Variants in CELA3B observed in about 807,000 individuals in gnomAD.
CELA3B encodes the protein chymotrypsin like elastase 3B.
A neutral mutation model predicts 37.2 loss-of-function variants in CELA3B; 34 were observed. The ratio of observed to expected loss-of-function variants is 0.91; its 90% CI spans 0.70 to 1.22. The LOEUF (loss-of-function observed/expected upper bound fraction) is 1.22, where lower values mean the gene tolerates loss of function less well. Among genes scored for constraint, CELA3B ranks in the 50% most tolerant of loss-of-function variants. CELA3B has a pLI of 0.00. For missense variants in CELA3B, 340 were observed against 363.1 expected, an observed-to-expected ratio of 0.94 and a Z score of 0.52; for synonymous variants, 127 against 143.5, an observed-to-expected ratio of 0.89 and a Z score of 0.82.
chr1:21,977,104 G>A (rs769741596), intron 1 of CELA3B, 22 bp downstream of exon 1: 1 of 1,614,126 alleles, frequency 6.2e-7, no homozygotes, highest in Admixed American at 1.7e-5. Flanking sequence ...ACCTGTGTGT[G>A]TGCTCCCTGG....
chr1:21,981,035 C>A lies in CELA3B; in HGVS notation c.228-3C>A, dbSNP rs1035761656. On this transcript the variant is annotated splice_region_variant and splice_polypyrimidine_tract_variant and intron_variant, in intron 3 of 7. Coordinates refer to ENST00000337107, the MANE Select transcript of CELA3B (RefSeq NM_007352.4). ...CCCAGACTGACCTCACCTCCGCCCG[C>A]AGGAGCTCCCGGACCTACCAGGTGG... The A allele has an allele frequency of 2.5e-6, 4 of 1,613,986 alleles. No homozygotes were observed. The African/African-American group carries it at 5.3e-5, about 22-fold the overall frequency.
At chr1:21,992,818 A>G (rs1053311578), downstream of CELA3B, among the ~76,000 whole-genome samples, 2 of 150,786 alleles carry the variant, frequency 1.3e-5, no homozygotes, top group Admixed American at 6.6e-5. Flanking sequence ...ACCCCATCTT[A>G]GCTGGGTGGT....
chr1:21,995,240 G>A (rs1394420912), intron 4 of CELA3B, among the ~76,000 whole-genome samples: 2 of 147,896 alleles, frequency 1.4e-5, no homozygotes, highest in African/African-American at 5.1e-5. Flanking sequence ...TGAAGTTCAA[G>A]CAATTCTGCA....
At chr1:21,998,172 C>T (rs1436414839) in exon 5 of CELA3B, 1 of 470,314 alleles carries the variant, frequency 2.1e-6, no homozygotes, top group Non-Finnish European at 4.4e-6. Flanking sequence ...CAACAAGGCA[C>T]CAGAGTCCCG....
At chr1:21,997,507 G>A (rs575611154) in intron 4 of CELA3B, among the ~76,000 whole-genome samples, 16 of 150,894 alleles carry the variant, frequency 1.1e-4, no homozygotes, top group Admixed American at 9.2e-4. Context: ...GGCCAATGTG[G>A]TGAAACCCTG....
chr1:21,979,038 ACT>A (rs1173577162), intron 2 of CELA3B, among the ~76,000 whole-genome samples: 2 of 86,346 alleles, frequency 2.3e-5, no homozygotes, highest in East Asian at 2.8e-4. Flanking sequence ...ACAGAGTGAG[ACT>A]CTGTCTCAAA....
downstream of CELA3B, among the ~76,000 whole-genome samples, chr1:21,991,963 A>G (rs1356124561): frequency 2.1e-5 from 3 of 145,774 alleles, no homozygotes; most frequent in Non-Finnish European, 3.0e-5. Flanking sequence ...CTACTAAAAA[A>G]TACAAAATTA....
chr1:21,985,770 A>G (rs1330838915), intron 6 of CELA3B, among the ~76,000 whole-genome samples: 1 of 152,062 alleles, frequency 6.6e-6, no homozygotes, highest in African/African-American at 2.4e-5. Flanking sequence ...GGGCGCCTGT[A>G]GTCCCAGCTA....
intron 2 of CELA3B, among the ~76,000 whole-genome samples, chr1:21,979,022 T>C (rs111695644): frequency 2.0e-5 from 3 of 146,514 alleles, no homozygotes; most frequent in South Asian, 4.6e-4. Context: ...ACTCCAGCCC[T>C]GGGCAACAGA....
At chr1:21,992,832 A>G (rs1644874335), downstream of CELA3B, among the ~76,000 whole-genome samples, 2 of 150,634 alleles carry the variant, frequency 1.3e-5, no homozygotes, top group Non-Finnish European at 3.0e-5. Flanking sequence ...GGGTGGTGTG[A>G]CACATGCCTG....
chr1:21,986,577 G>C lies in CELA3B; in HGVS notation c.689G>C (p.Trp230Ser). 6.2e-7 allele frequency: 1 copy of C among 1,614,080 alleles called. No individual in the cohort carries two copies. Among genetic ancestry groups the C allele is most frequent in the South Asian group, 1.1e-5 (1 of 91,072 alleles). Residue 230 changes from tryptophan (W) to serine (S), a missense_variant, in exon 7 of 8, where the codon TGG becomes TCG. Trp to Ser is a radical substitution (Grantham distance 177, BLOSUM62 -3). Coordinates refer to ENST00000337107, the MANE Select transcript of CELA3B (RefSeq NM_007352.4). ...AACTGCCCCACAGAGGATGGTGGCT[G>C]GCAGGTCCATGGCGTGACCAGCTTT... The part of the protein sequence containing the change: ...PLNCPTEDGG[W>S]QVHGVTSFVS...
chr1:21,980,959 C>A (rs1414118794), intron 3 of CELA3B, 38 bp downstream of exon 3: 3 of 1,613,954 alleles, frequency 1.9e-6, no homozygotes, highest in Admixed American at 3.3e-5. Context: ...TGGCCCCGGG[C>A]AGCTGGGGAG....
At chr1:21,991,657 G>C (rs1216199964), downstream of CELA3B, among the ~76,000 whole-genome samples, 4 of 151,066 alleles carry the variant, frequency 2.6e-5, no homozygotes, top group Non-Finnish European at 4.4e-5. Context: ...ATTTGGAAAG[G>C]AGATTTTATA....
In CELA3B at chr1:21,985,280, C is replaced by CTTTTTTT. The variant is rs550752207; in HGVS notation, c.642+958_642+964dup. On this transcript the variant is annotated intron_variant, in intron 6 of 7. Transcript: ENST00000337107. The stretch of plus-strand genomic sequence containing the variant: ...CCTGGGCGACAGAGCAAGATGTTGT[C>CTTTTTTT]TTTTTTTTTTTTTTTGAGACAGGAT... Among the ~76,000 whole-genome samples, 4 of 145,592 alleles carry CTTTTTTT rather than the reference C, an allele frequency of 2.7e-5. 1 individual carries two copies.
At chr1:21,979,453 C>CTT (rs66459906) in intron 2 of CELA3B, among the ~76,000 whole-genome samples, 28 of 85,428 alleles carry the variant, frequency 3.3e-4, no homozygotes, top group African/African-American at 8.5e-4. Context: ...CTTTTCTTTT[C>CTT]TTTTTTTTTT....
chr1:21,993,069 A>G (rs1208380654), downstream of CELA3B, among the ~76,000 whole-genome samples: 1 of 151,380 alleles, frequency 6.6e-6, no homozygotes. Context: ...ATCCGCTTTT[A>G]AGACAGTTAC....
chr1:21,981,901 AT>A (rs1268439378), intron 4 of CELA3B, among the ~76,000 whole-genome samples: 2 of 151,704 alleles, frequency 1.3e-5, no homozygotes, highest in Admixed American at 6.6e-5. Context: ...AATTTTTTGT[AT>A]TTTTAGTAGA....
At chr1:21,992,240 C>T (rs1644871822), downstream of CELA3B, among the ~76,000 whole-genome samples, 1 of 151,536 alleles carries the variant, frequency 6.6e-6, no homozygotes, top group South Asian at 2.1e-4. Context: ...CATTTAAATG[C>T]ATTACTGCTG....
At chr1:21,988,928 T>TATAC (rs56242953) in intron 7 of CELA3B, among the ~76,000 whole-genome samples, 12 of 151,130 alleles carry the variant, frequency 7.9e-5, no homozygotes, top group Admixed American at 1.3e-4. Context: ...ATTTTGTTTA[T>TATAC]ATACATACAT....
Sources: allele counts gnomAD v4.1 joint callset (sites outside exome capture counted in the v4.1 genomes callset), GRCh38; gene constraint gnomAD v4.1.1; transcripts MANE v1.5; gene names NCBI Gene and HGNC (gene_info 2026-07-23, HGNC 2026-07-21).